Variants in BMPR2 observed in about 807,000 individuals in gnomAD.
BMPR2 encodes the protein bone morphogenetic protein receptor type-2.
Under a neutral mutation model 100.8 loss-of-function variants are expected in BMPR2, and 29 were observed. The observed-to-expected ratio is 0.29, with a 90% CI of 0.21 to 0.39. BMPR2 has a LOEUF of 0.39. Ranked by LOEUF, BMPR2 falls within the 10% of genes least tolerant of loss-of-function variation. BMPR2 has a pLI of 1.00. For synonymous variants in BMPR2, 382 were observed against 442.3 expected (o/e 0.86, Z 1.71); for missense variants, 1,011 against 1,274.5 (o/e 0.79, Z 3.15).
At chr2:202,430,285 TCAGTTGTAGCAGTATG>T (rs1199344455) in intron 1 of BMPR2, among the ~76,000 whole-genome samples, 1 of 152,208 alleles carries the variant, frequency 6.6e-6, no homozygotes, top group African/African-American at 2.4e-5. Flanking sequence ...GGAACACAGT[TCAGTTGTAGCAGTATG>T]CAGTATTTGT....
chr2:202,476,015 A>G (rs1021598862), intron 3 of BMPR2, among the ~76,000 whole-genome samples: 4 of 149,082 alleles, frequency 2.7e-5, no homozygotes, highest in South Asian at 4.3e-4. Context: ...CGGAGGTTGC[A>G]GTGAGCCAAG....
chr2:202,412,958 T>C (rs1239634991), intron 1 of BMPR2, among the ~76,000 whole-genome samples: 1 of 152,198 alleles, frequency 6.6e-6, no homozygotes, highest in Non-Finnish European at 1.5e-5. Flanking sequence ...TTGATTCTCA[T>C]TGTTCTTGGA....
rs1457582084 is a variant in BMPR2, at chr2:202,567,322, ACTTCCTCAGAACCCT to A, written c.*7380_*7394del. The A allele has an allele frequency of 6.6e-6, 1 of 152,594 alleles. No homozygotes were observed. Among genetic ancestry groups the A allele is most frequent in the Admixed American group, 6.5e-5 (1 of 15,272 alleles). 9.5% of individuals were successfully genotyped at this position (152,594 alleles called of 1,614,324 possible). A position where few individuals can be genotyped will look rare whatever the true frequency, so the allele number is the denominator to read the frequency against. On this transcript the variant is annotated 3_prime_UTR_variant, in exon 13 of 13. Transcript: ENST00000374580. ...AAAAGAAAGGCTAGAAAATACTCGC[ACTTCCTCAGAACCCT>A]CTTTCTTGTTAACGGGTATCTTTTG...
chr2:202,391,792 G>A lies in BMPR2; in HGVS notation c.76+14242G>A, dbSNP rs188614977. On this transcript the variant is annotated intron_variant, in intron 1 of 12. Transcript: ENST00000374580. ...TCTTTTTTTTTTTTGAGATGGAGTC[G>A]CACTCTGTCGCCAGGCTGGAGTGCA... 2.0e-4 allele frequency among the ~76,000 whole-genome samples: 30 copies of A among 149,478 alleles called. 1 individual carries two copies. The highest frequency in any genetic ancestry group is 8.0e-4 in the Admixed American group (12 of 14,946).
At chr2:202,523,015 G>A (rs2106011072) in intron 7 of BMPR2, among the ~76,000 whole-genome samples, 1 of 152,126 alleles carries the variant, frequency 6.6e-6, no homozygotes, top group East Asian at 1.9e-4. Flanking sequence ...AATGTATAAG[G>A]AACTTAAACA....
intron 1 of BMPR2, among the ~76,000 whole-genome samples, chr2:202,435,710 A>T (rs1296081665): frequency 1.3e-5 from 2 of 150,200 alleles, no homozygotes; most frequent in East Asian, 3.9e-4. Flanking sequence ...TGCCCTATAC[A>T]GGTATACCAT....
intron 3 of BMPR2, among the ~76,000 whole-genome samples, chr2:202,486,863 A>C (rs1692789127): frequency 6.6e-6 from 1 of 151,000 alleles, no homozygotes; most frequent in Admixed American, 6.6e-5. Context: ...CTGCCTCTAC[A>C]AGAAATTTTT....
chr2:202,530,855 T>C lies in BMPR2; in HGVS notation c.1029T>C (p.Asn343=). ...DLNSRNVLVK[N]DGTCVISDFG... The stretch of plus-strand genomic sequence containing the variant: ...ACAGCAGAAATGTCCTAGTGAAAAA[T>C]GATGGAACCTGTGTTATTAGTGACT... Residue 343 remains asparagine, a synonymous_variant, in exon 8 of 13, where the codon AAT becomes AAC. Coordinates refer to ENST00000374580, the MANE Select transcript of BMPR2 (RefSeq NM_001204.7). 6.2e-7 allele frequency: 1 copy of C among 1,613,850 alleles called. No homozygotes were observed. Among genetic ancestry groups the C allele is most frequent in the South Asian group, 1.1e-5 (1 of 91,066 alleles).
In BMPR2 at chr2:202,435,436, G is replaced by A. The variant is rs1398100628; in HGVS notation, c.77-29373G>A. Among the ~76,000 whole-genome samples, 4 of 138,770 alleles carry A rather than the reference G, an allele frequency of 2.9e-5. No homozygotes were observed. The South Asian group carries it at 8.8e-4, about 30-fold the overall frequency. The allele number at this position is 138,770 out of a possible 152,430, so 91.0% of individuals were successfully genotyped here. On this transcript the variant is annotated intron_variant, in intron 1 of 12. Transcript: ENST00000374580. ...TTTTGTACAGTTATACAGTATGTTC[G>A]TGTTTTAAGCTAAGTGTTTTATTAT...
At chr2:202,533,455 A>G (rs1405336390) in intron 9 of BMPR2, among the ~76,000 whole-genome samples, 1 of 151,874 alleles carries the variant, frequency 6.6e-6, no homozygotes, top group Non-Finnish European at 1.5e-5. Context: ...TGAACCCGGG[A>G]GGCAGAGGTT....
chr2:202,429,601 T>G (rs1691464656), intron 1 of BMPR2, among the ~76,000 whole-genome samples: 1 of 152,210 alleles, frequency 6.6e-6, no homozygotes, highest in Non-Finnish European at 1.5e-5. Context: ...ATTAGTCTGC[T>G]TGGGCTGTGT....
chr2:202,561,772 A>G lies in BMPR2; in HGVS notation c.*1826A>G, dbSNP rs2105717833. On this transcript the variant is annotated 3_prime_UTR_variant, in exon 13 of 13. Coordinates refer to ENST00000374580, the MANE Select transcript of BMPR2 (RefSeq NM_001204.7). Reference sequence around the variant, plus strand: ...TTTCTGTCCAAAATATTTGTGATTTACTTGTATATAAGCCTTCTCATTTGC... The same window carrying G: ...TTTCTGTCCAAAATATTTGTGATTTGCTTGTATATAAGCCTTCTCATTTGC... The G allele has an allele frequency of 6.6e-6, 1 of 152,268 alleles. No individual in the cohort carries two copies. The highest frequency in any genetic ancestry group is 6.5e-5 in the Admixed American group (1 of 15,298). 9.4% of individuals were successfully genotyped at this position (152,268 alleles called of 1,614,324 possible).
Position 202,479,847 on chromosome 2 carries a change from G to T in BMPR2, c.418+12158G>T, listed in dbSNP as rs943968544. Among the ~76,000 whole-genome samples, 4 of 152,016 alleles carry T rather than the reference G, an allele frequency of 2.6e-5. No individual in the cohort carries two copies. In the East Asian group the frequency reaches 7.7e-4, roughly 29 times the overall value. ...CATTATGGTTTTGGTTTTCATTTCC[G>T]TAATGAATAATGGTGATGAGCATCT... On this transcript the variant is annotated intron_variant, in intron 3 of 12. Coordinates refer to ENST00000374580, the MANE Select transcript of BMPR2 (RefSeq NM_001204.7).
intron 9 of BMPR2, among the ~76,000 whole-genome samples, chr2:202,534,837 C>T (rs1373613627): frequency 6.6e-6 from 1 of 151,468 alleles, no homozygotes; most frequent in Non-Finnish European, 1.5e-5. Context: ...GACGGGGCGG[C>T]TGGCCAGGCG....
chr2:202,552,940 C>G lies in BMPR2; in HGVS notation c.1586+52C>G, dbSNP rs148338248. ...ATCAATCAGTATTAGAAACTGAGAC[C>G]CAACAAAGAATAGAAAATAAATACT... On this transcript the variant is annotated intron_variant, in intron 11 of 12. Transcript: ENST00000374580. 3.1e-5 allele frequency: 50 copies of G among 1,594,306 alleles called. No individual in the cohort carries two copies. The East Asian group carries it at 7.8e-4, about 25-fold the overall frequency.
chr2:202,476,823 A>G (rs1344908092), intron 3 of BMPR2, among the ~76,000 whole-genome samples: 1 of 152,262 alleles, frequency 6.6e-6, no homozygotes, highest in East Asian at 1.9e-4. Context: ...AGTTGAACAG[A>G]CACAACTTTG....
intron 3 of BMPR2, chr2:202,469,561 C>T (rs908960292): frequency 3.3e-5 from 9 of 271,696 alleles, no homozygotes; most frequent in East Asian, 1.3e-4. Context: ...CTCACTGCAA[C>T]GTCCACCTCC....
chr2:202,525,857 CTTTTTTTTTTTTT>C (rs386392340), intron 7 of BMPR2, among the ~76,000 whole-genome samples: 14 of 69,364 alleles, frequency 2.0e-4, no homozygotes, highest in South Asian at 1.2e-3. Flanking sequence ...TTCAGAGCAT[CTTTTTTTTTTTTT>C]TTTTTTTTTT....
chr2:202,537,696 TA>T lies in BMPR2; in HGVS notation c.1277-4605del, dbSNP rs764306858. Among the ~76,000 whole-genome samples, 572 of 148,716 alleles carry T rather than the reference TA, an allele frequency of 3.8e-3. 5 individuals carry two copies. The highest frequency in any genetic ancestry group is 6.6e-3 in the Non-Finnish European group (443 of 66,970). On this transcript the variant is annotated intron_variant, in intron 9 of 12. Transcript: ENST00000374580. ...TTATGTTATGTATATTCTACCACGA[TA>T]AAAAAAAAATAAAGGAATAAGAAGA...
Sources: gnomAD v4.1 joint callset for allele counts (sites outside exome capture counted in the v4.1 genomes callset) on GRCh38, gnomAD v4.1.1 for gene constraint, MANE v1.5 for transcripts, NCBI Gene and HGNC (gene_info 2026-07-23, HGNC 2026-07-21) for gene names.